Variants in CELF5 observed in about 807,000 individuals in gnomAD.
CELF5 encodes CUGBP Elav-like family member 5.
Under a neutral mutation model 54.9 loss-of-function variants are expected in CELF5, and 6 were observed. The observed-to-expected ratio is 0.11, with a 90% CI of 0.06 to 0.22. The LOEUF is 0.22. CELF5 is among the 10% of genes least tolerant of loss of function. CELF5 has a pLI of 1.00. For missense variants in CELF5, 401 were observed against 678.6 expected (o/e 0.59, Z 4.54); for synonymous variants, 271 against 290.9 (o/e 0.93, Z 0.70).
In CELF5 at chr19:3,275,635, C is replaced by T. The variant is rs974143147; in HGVS notation, c.395-221C>T. ...GCGGGGGCGCCACCTGGGCAAAGGC[C>T]GGGAGATGGGAGCGTGCAGGGCCCG... On this transcript the variant is annotated intron_variant, in intron 3 of 12. Transcript: ENST00000292672. This position sits in a 1 kb window ranked among gnomAD's most constrained non-coding sequence, Gnocchi z 6.7. Among the ~76,000 whole-genome samples the T allele has an allele frequency of 6.6e-6, 1 of 152,128 alleles. No individual in the cohort carries two copies. Among genetic ancestry groups the T allele is most frequent in the Non-Finnish European group, 1.5e-5 (1 of 68,004 alleles).
rs969763313 is a variant in CELF5 at position 3,228,822 on chromosome 19, G to A, written c.259+3824G>A. 2.6e-5 allele frequency among the ~76,000 whole-genome samples: 4 copies of A among 151,954 alleles called. No homozygotes were observed. The highest frequency in any genetic ancestry group is 2.6e-4 in the Admixed American group (4 of 15,254). On this transcript the variant is annotated intron_variant, in intron 1 of 12. Coordinates refer to ENST00000292672, the MANE Select transcript of CELF5 (RefSeq NM_021938.4). The surrounding 1 kb of genome is among the most constrained non-coding windows in gnomAD (Gnocchi z 6.0). ...ACCGCGGGAGCAGTTGGCACCCCTG[G>A]TGGTGGCGGGGACAGCGGCAGGGGG...
chr19:3,230,576 T>C (rs1224676506), intron 1 of CELF5, among the ~76,000 whole-genome samples: 1 of 152,154 alleles, frequency 6.6e-6, no homozygotes, highest in Non-Finnish European at 1.5e-5. Context: ...CAGGAAAGCC[T>C]CTGATGCTGG....
At chr19:3,255,791 G>A (rs112570652) in intron 2 of CELF5, among the ~76,000 whole-genome samples, 16,130 of 152,070 alleles carry the variant, frequency 0.11, 893 homozygotes, top group Non-Finnish European at 0.12. Context: ...TGGGTCAGGC[G>A]CGGTGGCTCA....
chr19:3,270,223 ATTGAACTCAGCC>A (rs2079938134), intron 2 of CELF5, among the ~76,000 whole-genome samples: 1 of 152,072 alleles, frequency 6.6e-6, no homozygotes, highest in Non-Finnish European at 1.5e-5. Flanking sequence ...GAGTTCCAAA[ATTGAACTCAGCC>A]TTGGGGGCCC....
chr19:3,247,121 G>T (rs1216763740), intron 1 of CELF5, among the ~76,000 whole-genome samples: 1 of 152,042 alleles, frequency 6.6e-6, no homozygotes. Context: ...GCTTCATGGT[G>T]GCTGCCACTT....
At chr19:3,259,168 C>T (rs915800966) in intron 2 of CELF5, among the ~76,000 whole-genome samples, 4 of 152,062 alleles carry the variant, frequency 2.6e-5, no homozygotes, top group African/African-American at 9.7e-5. Context: ...ATTTGGAGGC[C>T]AGAACATGCC....
intron 2 of CELF5, among the ~76,000 whole-genome samples, chr19:3,261,918 G>A (rs562868090): frequency 5.3e-5 from 8 of 152,258 alleles, no homozygotes. Flanking sequence ...CATTTGCAGT[G>A]GTGGATAAGT....
Position 3,264,108 on chromosome 19 carries a change from T to C in CELF5, c.343-9764T>C, listed in dbSNP as rs149780811. The stretch of plus-strand genomic sequence containing the variant: ...CTATCTGGTTGTCGGTAACACGCCT[T>C]TGCTTTTCTTCGTGGTTTTACTGGA... On this transcript the variant is annotated intron_variant, in intron 2 of 12. Coordinates refer to ENST00000292672, the MANE Select transcript of CELF5 (RefSeq NM_021938.4). Among the ~76,000 whole-genome samples, 738 of 152,226 alleles carry C rather than the reference T, an allele frequency of 4.8e-3. 3 individuals carry two copies. The highest frequency in any genetic ancestry group is 0.017 in the African/African-American group (702 of 41,536).
At chr19:3,232,251 T>C (rs1003068513) in intron 1 of CELF5, among the ~76,000 whole-genome samples, 1 of 152,136 alleles carries the variant, frequency 6.6e-6, no homozygotes, top group Non-Finnish European at 1.5e-5. Context: ...GTTGTCAAAA[T>C]TGGAACTAAT....
intron 2 of CELF5, among the ~76,000 whole-genome samples, chr19:3,254,957 T>C (rs2079701670): frequency 6.6e-6 from 1 of 151,556 alleles, no homozygotes; most frequent in Non-Finnish European, 1.5e-5. Flanking sequence ...TTAATTCATG[T>C]ATACATCCAT....
Position 3,297,006 on chromosome 19 carries a change from TTGGTC to T in CELF5, c.*293_*297del, listed in dbSNP as rs1452268510. The T allele has an allele frequency of 8.1e-6, 1 of 123,672 alleles. No individual in the cohort carries two copies. The highest frequency in any genetic ancestry group is 2.1e-4 in the East Asian group (1 of 4,706). 7.7% of individuals were successfully genotyped at this position (123,672 alleles called of 1,614,324 possible). On this transcript the variant is annotated 3_prime_UTR_variant, in exon 13 of 13. Coordinates refer to ENST00000292672, the MANE Select transcript of CELF5 (RefSeq NM_021938.4). ...GTCTTAATGTTCAAAACGCCTCTCT[TTGGTC>T]TGGAGAAAAAAAAAAAAAAAAAAAA...
intron 1 of CELF5, among the ~76,000 whole-genome samples, chr19:3,237,181 A>G (rs1368213397): frequency 2.7e-5 from 4 of 150,688 alleles, no homozygotes; most frequent in Non-Finnish European, 4.4e-5. Flanking sequence ...GCATGGTGGC[A>G]GGAACCTGTA....
At chr19:3,277,535 A>G (rs1339086459) in intron 4 of CELF5, among the ~76,000 whole-genome samples, 2 of 138,782 alleles carry the variant, frequency 1.4e-5, no homozygotes, top group East Asian at 2.7e-4. Flanking sequence ...AAAATGTACA[A>G]TGAAGTGCTT....
chr19:3,224,682 A>C lies in CELF5; in HGVS notation c.-58A>C. 3 of 989,084 alleles carry C rather than the reference A, an allele frequency of 3.0e-6. No individual in the cohort carries two copies. Among genetic ancestry groups the C allele is most frequent in the Non-Finnish European group, 3.6e-6 (3 of 833,528 alleles). 61.3% of individuals were successfully genotyped at this position (989,084 alleles called of 1,614,324 possible). A position where few individuals can be genotyped will look rare whatever the true frequency, so the allele number is the denominator to read the frequency against. ...AGGCGGGAGGCGCGGCCGCCGCTCC[A>C]GCTGCGAGTCCGCCCGCCGCCCGCC... On this transcript the variant is annotated 5_prime_UTR_variant, in exon 1 of 13. Transcript: ENST00000292672.
chr19:3,283,753 G>A (rs2080188922), intron 8 of CELF5, among the ~76,000 whole-genome samples: 1 of 152,022 alleles, frequency 6.6e-6, no homozygotes, highest in Non-Finnish European at 1.5e-5. Flanking sequence ...CTAATCATAG[G>A]TCACTGTCAA....
chr19:3,251,652 C>CTTTTTTTTTTT (rs1195812856), intron 2 of CELF5, among the ~76,000 whole-genome samples: 27 of 67,116 alleles, frequency 4.0e-4, no homozygotes, highest in East Asian at 2.1e-3. Flanking sequence ...ACAAGGGCTT[C>CTTTTTTTTTTT]TTTTTTTTTT....
At chr19:3,230,076 A>ATT (rs1306548282) in intron 1 of CELF5, among the ~76,000 whole-genome samples, 28 of 136,412 alleles carry the variant, frequency 2.1e-4, no homozygotes, top group African/African-American at 7.4e-4. Context: ...GTAGGACCAC[A>ATT]CTCATTCATT....
At chr19:3,290,399 T>A (rs1159348431) in intron 11 of CELF5, 25 bp downstream of exon 11, 1 of 1,610,398 alleles carries the variant, frequency 6.2e-7, no homozygotes. Flanking sequence ...ACGCCACCCC[T>A]CCCCATCCAC....
intron 1 of CELF5, among the ~76,000 whole-genome samples, chr19:3,236,315 G>C (rs1256176839): frequency 2.6e-5 from 4 of 152,196 alleles, no homozygotes; most frequent in African/African-American, 9.7e-5. Flanking sequence ...GTGGAGAAGG[G>C]AGGGTCCTGT....
Sources: allele counts gnomAD v4.1 joint callset (sites outside exome capture counted in the v4.1 genomes callset), GRCh38; gene constraint gnomAD v4.1.1; non-coding constraint Gnocchi (gnomAD v3.1); transcripts MANE v1.5; gene names NCBI Gene and HGNC (gene_info 2026-07-23, HGNC 2026-07-21).